CCDC80: variants seen among roughly 807,000 people sequenced by gnomAD.
The protein encoded by CCDC80 is coiled-coil domain-containing protein 80.
In CCDC80, 49 loss-of-function variants were observed where a neutral mutation model predicts 78.7. The observed-to-expected ratio is 0.62, with a 90% CI of 0.50 to 0.79. The LOEUF is 0.79. CCDC80 is among the 30% of genes least tolerant of loss of function. The pLI is 0.00. For missense variants in CCDC80, 1,205 were observed against 1,198.6 expected, an observed-to-expected ratio of 1.01 and a Z score of -0.08; for synonymous variants, 488 against 447.0, an observed-to-expected ratio of 1.09 and a Z score of -1.16.
chr3:112,626,337 G>A (rs187422035), intron 3 of CCDC80, among the ~76,000 whole-genome samples: 50 of 152,250 alleles, frequency 3.3e-4, no homozygotes, highest in Non-Finnish European at 6.2e-4. Context: ...GCAGCTGCCA[G>A]GCACTGTCAC....
intron 3 of CCDC80, among the ~76,000 whole-genome samples, chr3:112,629,769 G>C (rs931099567): frequency 3.3e-5 from 5 of 152,136 alleles, no homozygotes; most frequent in Admixed American, 6.5e-5. Flanking sequence ...AAGATCAGAC[G>C]GGGCTGCTCA....
chr3:112,622,215 A>G (rs550667117), intron 3 of CCDC80, among the ~76,000 whole-genome samples: 46 of 152,342 alleles, frequency 3.0e-4, no homozygotes, highest in Non-Finnish European at 5.0e-4. Context: ...CAAGAAACCA[A>G]TTTCAAAGCC....
chr3:112,623,155 A>T (rs930967304), intron 3 of CCDC80, among the ~76,000 whole-genome samples: 3 of 152,156 alleles, frequency 2.0e-5, no homozygotes, highest in Non-Finnish European at 4.4e-5. Flanking sequence ...TAGTAGTAAG[A>T]CATTTGCCTA....
rs769241503 is a variant in CCDC80, at chr3:112,638,805, C to T, written c.1101G>A (p.Arg367=). The T allele has an allele frequency of 1.9e-6, 3 of 1,613,690 alleles. No individual in the cohort carries two copies. Among genetic ancestry groups the T allele is most frequent in the South Asian group, 2.2e-5 (2 of 91,052 alleles). ...PATTVTRSTS[R]AVTVAARPMT... ...TAGGTCTTGCAGCAACTGTTACCGCCCGGGACGTGGACCGAGTCACTGTTG... is the reference window on the plus strand; with the variant it reads ...TAGGTCTTGCAGCAACTGTTACCGCTCGGGACGTGGACCGAGTCACTGTTG... Residue 367 remains arginine (R), a synonymous_variant, in exon 2 of 8, where the codon CGG becomes CGA. Coordinates refer to ENST00000206423, the MANE Select transcript of CCDC80 (RefSeq NM_199511.3).
chr3:112,632,806 G>T (rs1257692985), intron 2 of CCDC80, among the ~76,000 whole-genome samples: 1 of 152,116 alleles, frequency 6.6e-6, no homozygotes, highest in Non-Finnish European at 1.5e-5. Context: ...CATTCGTTTT[G>T]CAGGACTCAT....
At chr3:112,622,008 C>T (rs1417184561) in intron 3 of CCDC80, among the ~76,000 whole-genome samples, 1 of 152,194 alleles carries the variant, frequency 6.6e-6, no homozygotes, top group African/African-American at 2.4e-5. Context: ...AAAACCCAAT[C>T]TGTCACAGAC....
chr3:112,626,184 G>T (rs1935967191), intron 3 of CCDC80, among the ~76,000 whole-genome samples: 1 of 152,164 alleles, frequency 6.6e-6, no homozygotes, highest in African/African-American at 2.4e-5. Context: ...TAGGTTAGGA[G>T]ACAGGCTCTC....
chr3:112,636,711 C>G (rs1431423590), intron 2 of CCDC80, among the ~76,000 whole-genome samples: 1 of 152,160 alleles, frequency 6.6e-6, no homozygotes, highest in South Asian at 2.1e-4. Context: ...AAAAGAGTGT[C>G]TGTCTCTTTT....
At chr3:112,630,037 A>G in intron 3 of CCDC80, 76 bp downstream of exon 3, 7 of 1,384,354 alleles carry the variant, frequency 5.1e-6, no homozygotes, top group Non-Finnish European at 6.1e-6. Flanking sequence ...TGGATCCCCC[A>G]TGTACCTCTA....
chr3:112,637,231 C>T (rs77097221), intron 2 of CCDC80, among the ~76,000 whole-genome samples: 1,593 of 152,218 alleles, frequency 0.01, 20 homozygotes, highest in South Asian at 0.037. Flanking sequence ...TTTTACAGAG[C>T]CCCCGGAGAA....
chr3:112,611,017 G>T (rs1029148649), intron 5 of CCDC80, among the ~76,000 whole-genome samples: 1 of 149,316 alleles, frequency 6.7e-6, no homozygotes, highest in South Asian at 2.1e-4. Context: ...AGGTTCAAGC[G>T]ATTCTCCTGC....
At chr3:112,632,536 A>G (rs1342283639) in intron 2 of CCDC80, among the ~76,000 whole-genome samples, 1 of 152,140 alleles carries the variant, frequency 6.6e-6, no homozygotes, top group Non-Finnish European at 1.5e-5. Context: ...TGGACAGATC[A>G]CGGTATGACA....
rs138399608 is a variant in CCDC80 at position 112,639,238 on chromosome 3, A to G, written c.668T>C (p.Met223Thr). Residue 223 changes from methionine to threonine, a missense_variant, in exon 2 of 8, where the codon ATG becomes ACG. Transcript: ENST00000206423. ...GCCCTTCTCCAGCTTCAGGAAGCTC[A>G]TCAGCTTAGGGATGAGGCTAGGGTC... ...PLDPSLIPKL[M>T]SFLKLEKGKF... 1.2e-6 allele frequency: 2 copies of G among 1,614,028 alleles called. No homozygotes were observed. Among genetic ancestry groups the G allele is most frequent in the Non-Finnish European group, 1.7e-6 (2 of 1,180,026 alleles).
At chr3:112,613,400 G>A (rs1935671462) in intron 5 of CCDC80, among the ~76,000 whole-genome samples, 1 of 151,980 alleles carries the variant, frequency 6.6e-6, no homozygotes, top group African/African-American at 2.4e-5. Context: ...GAAGATAAGA[G>A]CCCATAAAAC....
intron 3 of CCDC80, among the ~76,000 whole-genome samples, chr3:112,621,654 G>C (rs1440881362): frequency 6.6e-6 from 1 of 152,190 alleles, no homozygotes; most frequent in Non-Finnish European, 1.5e-5. Flanking sequence ...TAAGGAAACT[G>C]TAGTGGACAC....
At chr3:112,627,866 G>GAAAA (rs60731413) in intron 3 of CCDC80, among the ~76,000 whole-genome samples, 1 of 119,952 alleles carries the variant, frequency 8.3e-6, no homozygotes, top group Non-Finnish European at 1.7e-5. Context: ...CAATAAGGCA[G>GAAAA]AAAAAAAAAA....
intron 3 of CCDC80, among the ~76,000 whole-genome samples, chr3:112,621,255 T>C (rs1935861127): frequency 6.6e-6 from 1 of 152,206 alleles, no homozygotes; most frequent in South Asian, 2.1e-4. Context: ...AATGGGCTTA[T>C]ACATTAGGGA....
chr3:112,610,274 T>G (rs1350371136), intron 5 of CCDC80, 193 bp from the exon 6 acceptor site: 10 of 597,784 alleles, frequency 1.7e-5, no homozygotes, highest in Non-Finnish European at 2.4e-5. Flanking sequence ...TTTTCTGTTG[T>G]AACTTCACAG....
chr3:112,637,011 C>T (rs150509199), intron 2 of CCDC80, among the ~76,000 whole-genome samples: 283 of 152,300 alleles, frequency 1.9e-3, no homozygotes, highest in Middle Eastern at 3.4e-3. Context: ...GCCATTTGCA[C>T]ATCACTGATA....
Sources: gnomAD v4.1 joint callset for allele counts (sites outside exome capture counted in the v4.1 genomes callset) on GRCh38, gnomAD v4.1.1 for gene constraint, MANE v1.5 for transcripts, NCBI Gene and HGNC (gene_info 2026-07-23, HGNC 2026-07-21) for gene names.